Variants in DHTKD1 observed in about 807,000 individuals in gnomAD.
DHTKD1 encodes the protein 2-oxoadipate dehydrogenase complex component E1.
In DHTKD1, 78 loss-of-function variants were observed where a neutral mutation model predicts 101.8. The observed-to-expected ratio is 0.77, with a 90% CI of 0.64 to 0.93. The LOEUF is 0.93. Among genes scored for constraint, DHTKD1 ranks in the 40% least tolerant of loss-of-function variants. DHTKD1 has a pLI of 0.00. For missense variants in DHTKD1, 1,223 were observed against 1,161.7 expected, an observed-to-expected ratio of 1.05 and a Z score of -0.77; for synonymous variants, 462 against 450.3, an observed-to-expected ratio of 1.03 and a Z score of -0.33.
In DHTKD1 at chr10:12,087,325, TCTC is replaced by T. The variant is rs1168027406; in HGVS notation, c.523-206_523-204del. On this transcript the variant is annotated intron_variant, in intron 3 of 16. Coordinates refer to ENST00000263035, the MANE Select transcript of DHTKD1 (RefSeq NM_018706.7). This position sits in a 1 kb window ranked among gnomAD's most constrained non-coding sequence, Gnocchi z 5.2. ...TGAGTTATTCTGCCGCTCAGGTTAT[TCTC>T]CTCAGCCCCTCCTACTGTCCCGGAT... 2.0e-5 allele frequency among the ~76,000 whole-genome samples: 3 copies of T among 152,054 alleles called. No homozygotes were observed. The highest frequency in any genetic ancestry group is 2.9e-5 in the Non-Finnish European group (2 of 68,004).
intron 8 of DHTKD1, among the ~76,000 whole-genome samples, chr10:12,099,254 A>C (rs1024404620): frequency 6.6e-6 from 1 of 152,120 alleles, no homozygotes; most frequent in Non-Finnish European, 1.5e-5. Flanking sequence ...ACAACAAACT[A>C]TTAATATGTA....
chr10:12,079,207 C>A (rs1341539672), intron 1 of DHTKD1, among the ~76,000 whole-genome samples: 1 of 152,144 alleles, frequency 6.6e-6, no homozygotes, highest in Non-Finnish European at 1.5e-5. Flanking sequence ...CCCTCAGCCT[C>A]TTGGGTAGTT....
intron 14 of DHTKD1, among the ~76,000 whole-genome samples, chr10:12,118,353 G>A (rs1336996909): frequency 6.7e-6 from 1 of 150,258 alleles, no homozygotes; most frequent in East Asian, 2.0e-4. Flanking sequence ...CTTTAAATCT[G>A]CACTGTCTCC....
At chr10:12,079,852 G>C (rs1042509673) in intron 1 of DHTKD1, among the ~76,000 whole-genome samples, 3 of 152,178 alleles carry the variant, frequency 2.0e-5, no homozygotes, top group Admixed American at 2.0e-4. Context: ...GCTGAAATCA[G>C]TTCGTTTCCT....
chr10:12,097,948 G>T lies in DHTKD1; in HGVS notation c.1623G>T (p.Val541=). 6.2e-7 allele frequency: 1 copy of T among 1,613,856 alleles called. No individual in the cohort carries two copies. Among genetic ancestry groups the T allele is most frequent in the East Asian group, 2.2e-5 (1 of 44,874 alleles). ...LRFVGMKSVE[V]PRELQMHSHL... The stretch of plus-strand genomic sequence containing the variant: ...TTGTTGGCATGAAGTCTGTAGAGGT[G>T]CCAAGAGAGCTGCAGATGCACAGTC... Residue 541 remains valine, a synonymous_variant, in exon 8 of 17, where the codon GTG becomes GTT. Coordinates refer to ENST00000263035, the MANE Select transcript of DHTKD1 (RefSeq NM_018706.7).
chr10:12,085,315 A>C (rs536439988), intron 3 of DHTKD1, among the ~76,000 whole-genome samples: 2 of 152,292 alleles, frequency 1.3e-5, no homozygotes, highest in East Asian at 3.9e-4. Flanking sequence ...GTCTCAAAAA[A>C]AAAAGATATA....
intron 1 of DHTKD1, among the ~76,000 whole-genome samples, chr10:12,075,529 T>C (rs910922713): frequency 1.3e-5 from 2 of 151,196 alleles, no homozygotes; most frequent in African/African-American, 4.9e-5. Context: ...CATGAGCCAC[T>C]GCGCCCATCC....
intron 13 of DHTKD1, among the ~76,000 whole-genome samples, chr10:12,113,340 G>T (rs1833366039): frequency 6.6e-6 from 1 of 152,122 alleles, no homozygotes; most frequent in Non-Finnish European, 1.5e-5. Context: ...TGAGATTACA[G>T]GCATGTGCCA....
chr10:12,069,460 T>G (rs1304738023), intron 1 of DHTKD1, among the ~76,000 whole-genome samples: 1 of 151,942 alleles, frequency 6.6e-6, no homozygotes, highest in Non-Finnish European at 1.5e-5. Flanking sequence ...CGGAAGGGCT[T>G]TTCTTTCCTT....
rs1413322402 is a variant in DHTKD1, at chr10:12,097,824, C to T, written c.1499C>T (p.Pro500Leu). 1.2e-6 allele frequency: 2 copies of T among 1,614,214 alleles called. No homozygotes were observed. Among genetic ancestry groups the T allele is most frequent in the Non-Finnish European group, 1.7e-6 (2 of 1,180,048 alleles). The change falls in exon 8 of 17, where the codon CCC (proline) becomes CTC (leucine). Residue 500 changes from proline (P) to leucine (L), a missense_variant. Pro to Leu is a moderately conservative substitution (Grantham distance 98). Coordinates refer to ENST00000263035, the MANE Select transcript of DHTKD1 (RefSeq NM_018706.7). ...DHLNNMAHYR[P>L]PALNLQAHWQ... is the part of the protein sequence containing the mutation. The stretch of plus-strand genomic sequence containing the variant: ...TTAAATAACATGGCCCACTACAGGC[C>T]CCCTGCCCTGAACCTGCAGGCCCAC...
At position 12,100,199 on chromosome 10, in the gene DHTKD1, G is replaced by C. The variant is rs764054267; in HGVS notation, c.1693G>C (p.Asp565His). The change falls in exon 9 of 17, where the codon GAC (aspartate) becomes CAC (histidine). Residue 565 changes from aspartate (D) to histidine (H), a missense_variant. Asp to His is a moderately conservative substitution (Grantham distance 81). Coordinates refer to ENST00000263035, the MANE Select transcript of DHTKD1 (RefSeq NM_018706.7). ...HVQSRMEKMM[D>H]GIKLDWATAE... Reference sequence around the variant, plus strand: ...ACAGTCCAGAATGGAGAAGATGATGGACGGAATCAAGCTAGACTGGGCCAC... The same window carrying C: ...ACAGTCCAGAATGGAGAAGATGATGCACGGAATCAAGCTAGACTGGGCCAC... 1 of 1,596,950 alleles carries C rather than the reference G, an allele frequency of 6.3e-7. No homozygotes were observed. Among genetic ancestry groups the C allele is most frequent in the Admixed American group, 1.7e-5 (1 of 57,546 alleles).
chr10:12,113,059 C>G lies in DHTKD1; in HGVS notation c.2314C>G (p.Leu772Val). 6.2e-7 allele frequency: 1 copy of G among 1,604,870 alleles called. No individual in the cohort carries two copies. The highest frequency in any genetic ancestry group is 8.5e-7 in the Non-Finnish European group (1 of 1,175,954). The change falls in exon 13 of 17, where the codon CTC becomes GTC. Residue 772 changes from leucine to valine, a missense_variant. By Grantham distance (32) the Leu-to-Val change is conservative. Coordinates refer to ENST00000263035, the MANE Select transcript of DHTKD1 (RefSeq NM_018706.7). The stretch of plus-strand genomic sequence containing the variant: ...TGCTTCCCCTAAGATGTTACTCAGG[C>G]TCCCGGTAAGCAGAAGGTGGTGAAT... ...IVASPKMLLRLPAAVSTLQEM... is the reference protein window; with the variant it reads ...IVASPKMLLRVPAAVSTLQEM...
chr10:12,090,920 G>A (rs1156590220), intron 5 of DHTKD1, among the ~76,000 whole-genome samples: 2 of 152,130 alleles, frequency 1.3e-5, no homozygotes, highest in Admixed American at 6.6e-5. Context: ...AGATTGTGGT[G>A]GCGGGCGCCT....
intron 6 of DHTKD1, among the ~76,000 whole-genome samples, chr10:12,092,544 C>A (rs1833008455): frequency 6.6e-6 from 1 of 152,030 alleles, no homozygotes; most frequent in Admixed American, 6.6e-5. Flanking sequence ...TGGCTCACGT[C>A]TGTAATCCCA....
At chr10:12,119,248 G>GA (rs1833475081) in intron 15 of DHTKD1, among the ~76,000 whole-genome samples, 1 of 151,742 alleles carries the variant, frequency 6.6e-6, no homozygotes. Flanking sequence ...GGAGGTTGCA[G>GA]TGAGCCGAGA....
At chr10:12,116,579 CGGGG>C (rs1329646189) in intron 13 of DHTKD1, among the ~76,000 whole-genome samples, 99 of 151,762 alleles carry the variant, frequency 6.5e-4, no homozygotes, top group Non-Finnish European at 1.1e-3. Flanking sequence ...TTAGTAGAGA[CGGGG>C]TTTCACCATG....
At chr10:12,069,684 C>CTTTTTTTTTT (rs11292752) in intron 1 of DHTKD1, among the ~76,000 whole-genome samples, 2 of 25,478 alleles carry the variant, frequency 7.8e-5, no homozygotes, top group Non-Finnish European at 1.4e-4. Flanking sequence ...CCACGCCCAG[C>CTTTTTTTTTT]TTTTTTTTTT....
intron 8 of DHTKD1, 96 bp from the exon 9 acceptor site, chr10:12,100,082 C>T: frequency 1.5e-6 from 1 of 673,326 alleles, no homozygotes; most frequent in Non-Finnish European, 2.5e-6. Flanking sequence ...AGGCATGAGC[C>T]ACCATGCCTG....
In DHTKD1 at chr10:12,117,768, T is replaced by C. The variant is rs1277201068; in HGVS notation, c.2402+13T>C. On this transcript the variant is annotated intron_variant, in intron 14 of 16. Transcript: ENST00000263035. ...TGGATCCAAAAAAGTAAGATATGTA[T>C]CTCTGTTTTCATATTCTGTGGCAGA... 2 of 1,492,754 alleles carry C rather than the reference T, an allele frequency of 1.3e-6. No individual in the cohort carries two copies. Among genetic ancestry groups the C allele is most frequent in the Non-Finnish European group, 1.9e-6 (2 of 1,078,806 alleles). The allele number at this position is 1,492,754 out of a possible 1,614,324, so 92.5% of individuals were successfully genotyped here.
Sources: allele counts gnomAD v4.1 joint callset (sites outside exome capture counted in the v4.1 genomes callset), GRCh38; gene constraint gnomAD v4.1.1; non-coding constraint Gnocchi (gnomAD v3.1); transcripts MANE v1.5; gene names NCBI Gene and HGNC (gene_info 2026-07-23, HGNC 2026-07-21).